Variants in MTUS2 observed in about 807,000 individuals in gnomAD.
MTUS2 encodes microtubule-associated tumor suppressor candidate 2.
Under a neutral mutation model 114.1 loss-of-function variants are expected in MTUS2, and 40 were observed. The ratio of observed to expected loss-of-function variants is 0.35; its 90% confidence interval spans 0.27 to 0.46. The LOEUF (loss-of-function observed/expected upper bound fraction) is 0.46. MTUS2 is among the 20% of genes least tolerant of loss of function. MTUS2 has a pLI of 1.00. For missense variants in MTUS2, 1,679 were observed against 1,705.4 expected (o/e 0.98, Z 0.27); for synonymous variants, 688 against 672.0 (o/e 1.02, Z -0.37).
intron 8 of MTUS2, among the ~76,000 whole-genome samples, chr13:29,434,524 C>A (rs1360382759): frequency 6.6e-6 from 1 of 152,188 alleles, no homozygotes; most frequent in Non-Finnish European, 1.5e-5. Flanking sequence ...ATTTGGTATA[C>A]ATTTCCTATT....
intron 7 of MTUS2, among the ~76,000 whole-genome samples, chr13:29,356,738 G>A (rs1236655426): frequency 1.3e-5 from 2 of 152,218 alleles, no homozygotes; most frequent in African/African-American, 2.4e-5. Context: ...GAGAATGGCA[G>A]GACCCTTTTC....
intron 5 of MTUS2, among the ~76,000 whole-genome samples, chr13:29,262,337 C>T (rs914951596): frequency 6.6e-6 from 1 of 152,206 alleles, no homozygotes; most frequent in African/African-American, 2.4e-5. Flanking sequence ...GGCCTCCTTT[C>T]TCTTTTACAT....
chr13:29,067,571 T>C (rs888261478), intron 4 of MTUS2, among the ~76,000 whole-genome samples: 3 of 152,144 alleles, frequency 2.0e-5, no homozygotes, highest in South Asian at 2.1e-4. Context: ...GAGAAGTGAA[T>C]GGAAAGTGGG....
At chr13:28,996,313 G>A (rs529097689) in intron 2 of MTUS2, among the ~76,000 whole-genome samples, 19 of 152,148 alleles carry the variant, frequency 1.2e-4, no homozygotes, top group East Asian at 3.9e-4. Flanking sequence ...TGTTTTATTG[G>A]GGATTTTTGC....
At chr13:28,943,190 A>G (rs1192503213) in intron 2 of MTUS2, among the ~76,000 whole-genome samples, 1 of 152,176 alleles carries the variant, frequency 6.6e-6, no homozygotes, top group Non-Finnish European at 1.5e-5. Flanking sequence ...TGCTTATTTC[A>G]TATTGCTATT....
intron 10 of MTUS2, among the ~76,000 whole-genome samples, chr13:29,482,851 T>G (rs1411626195): frequency 6.6e-6 from 1 of 152,252 alleles, no homozygotes. Context: ...CTGTGAATTA[T>G]TCAGGCCCCT....
At chr13:29,064,674 TTATA>T (rs1483241995) in intron 4 of MTUS2, among the ~76,000 whole-genome samples, 1 of 152,168 alleles carries the variant, frequency 6.6e-6, no homozygotes, top group African/African-American at 2.4e-5. Context: ...GTGCAGGTTG[TTATA>T]TAGGTTAGCA....
intron 4 of MTUS2, among the ~76,000 whole-genome samples, chr13:29,062,602 A>ATT (rs370923685): frequency 6.7e-6 from 1 of 149,954 alleles, no homozygotes; most frequent in Non-Finnish European, 1.5e-5. Context: ...ATTACACTCC[A>ATT]TTTTTTTTTC....
intron 6 of MTUS2, among the ~76,000 whole-genome samples, chr13:29,322,844 C>T (rs1485519559): frequency 6.6e-6 from 1 of 152,108 alleles, no homozygotes; most frequent in Non-Finnish European, 1.5e-5. Flanking sequence ...TGGGCAGGGA[C>T]AGTGACAGCA....
intron 7 of MTUS2, among the ~76,000 whole-genome samples, chr13:29,356,347 C>G (rs1476782430): frequency 6.6e-6 from 1 of 152,196 alleles, no homozygotes; most frequent in Non-Finnish European, 1.5e-5. Flanking sequence ...ATCTAATTAT[C>G]CGATACAAAC....
At chr13:29,470,692 T>C (rs77855980) in intron 9 of MTUS2, among the ~76,000 whole-genome samples, 6,546 of 152,320 alleles carry the variant, frequency 0.043, 162 homozygotes, top group Non-Finnish European at 0.054. Flanking sequence ...TAACCCTAAC[T>C]CTTTTGAGGG....
chr13:29,193,680 A>T (rs1416108178), intron 5 of MTUS2, among the ~76,000 whole-genome samples: 3 of 152,212 alleles, frequency 2.0e-5, no homozygotes, highest in Non-Finnish European at 4.4e-5. Context: ...AAGGTAATTT[A>T]TAGATTCAAT....
chr13:29,194,568 T>C lies in MTUS2; in HGVS notation c.2645-87136T>C, dbSNP rs1240928233. Among the ~76,000 whole-genome samples the C allele has an allele frequency of 9.2e-5, 14 of 151,994 alleles. No individual in the cohort carries two copies. The South Asian group carries it at 2.9e-3, about 32-fold the overall frequency. On this transcript the variant is annotated intron_variant, in intron 5 of 15. Coordinates refer to ENST00000612955, the MANE Select transcript of MTUS2 (RefSeq NM_001033602.4). ...AGATACCATCTCACACCAGTTAGAA[T>C]GGCAATCATTAAAAAGTCAGGAAAC...
chr13:29,000,246 T>C (rs1593371192), intron 2 of MTUS2, among the ~76,000 whole-genome samples: 1 of 152,226 alleles, frequency 6.6e-6, no homozygotes, highest in Non-Finnish European at 1.5e-5. Flanking sequence ...GCACGGCAGG[T>C]ATAGTGGTAA....
At chr13:28,996,600 T>C (rs1256444078) in intron 2 of MTUS2, among the ~76,000 whole-genome samples, 1 of 152,320 alleles carries the variant, frequency 6.6e-6, no homozygotes, top group Admixed American at 6.5e-5. Context: ...TATTCAGAGA[T>C]GCAACTTCTT....
intron 5 of MTUS2, among the ~76,000 whole-genome samples, chr13:29,113,931 T>A (rs760033476): frequency 2.0e-5 from 3 of 152,092 alleles, no homozygotes; most frequent in African/African-American, 2.4e-5. Context: ...CTTCGCACCA[T>A]CCCCTTTGGT....
intron 8 of MTUS2, among the ~76,000 whole-genome samples, chr13:29,370,234 G>A (rs563710151): frequency 6.6e-6 from 1 of 152,230 alleles, no homozygotes; most frequent in Admixed American, 6.5e-5. Flanking sequence ...TGGTTTGCAT[G>A]TGTCCCCCAA....
intron 7 of MTUS2, among the ~76,000 whole-genome samples, 157 bp from the exon 8 acceptor site, chr13:29,359,105 C>T (rs1371456416): frequency 6.6e-6 from 1 of 152,138 alleles, no homozygotes; most frequent in African/African-American, 2.4e-5. Context: ...TAATTTTAGT[C>T]CCTGACTGTT....
At chr13:29,428,908 T>A (rs1200316297) in intron 8 of MTUS2, 1 of 1,613,106 alleles carries the variant, frequency 6.2e-7, no homozygotes, top group Admixed American at 1.7e-5. Flanking sequence ...TACTTTGCCT[T>A]CCCTCTCTCT....
Sources: allele counts gnomAD v4.1 joint callset (sites outside exome capture counted in the v4.1 genomes callset), GRCh38; gene constraint gnomAD v4.1.1; transcripts MANE v1.5; gene names NCBI Gene and HGNC (gene_info 2026-07-23, HGNC 2026-07-21).